The following IQCH variants were observed in gnomAD, a reference collection of about 807,000 sequenced individuals.
IQCH encodes the protein IQ domain-containing protein H.
A neutral mutation model predicts 117.0 loss-of-function variants in IQCH; 98 were observed. That is an observed-to-expected ratio of 0.84 (90% CI 0.71 to 0.99). IQCH has a LOEUF of 0.99. Among genes scored for constraint, IQCH ranks in the 50% least tolerant of loss-of-function variants. The pLI is 0.00. For missense variants in IQCH, 1,102 were observed against 1,243.8 expected, an observed-to-expected ratio of 0.89 and a Z score of 1.72; for synonymous variants, 412 against 448.2, an observed-to-expected ratio of 0.92 and a Z score of 1.02.
intron 18 of IQCH, among the ~76,000 whole-genome samples, chr15:67,485,484 T>G (rs889423958): frequency 2.0e-5 from 3 of 151,580 alleles, no homozygotes; most frequent in Non-Finnish European, 4.4e-5. Context: ...GAAGAGGGAG[T>G]GATTTTAAAT....
chr15:67,484,405 C>CA (rs112240255), intron 18 of IQCH, among the ~76,000 whole-genome samples: 1,544 of 137,058 alleles, frequency 0.011, 33 homozygotes, highest in African/African-American at 0.034. Flanking sequence ...GACCCAGTCT[C>CA]AAAAAAAAAA....
At chr15:67,483,525 T>G (rs2083393889) in intron 18 of IQCH, among the ~76,000 whole-genome samples, 1 of 151,932 alleles carries the variant, frequency 6.6e-6, no homozygotes, top group Admixed American at 6.6e-5. Context: ...TCTAAAAAAA[T>G]TAAAGAAAGA....
Position 67,493,582 on chromosome 15 carries a change from G to A in IQCH, c.2862-676G>A, listed in dbSNP as rs1337028415. On this transcript the variant is annotated intron_variant, in intron 19 of 20. Coordinates refer to ENST00000335894, the MANE Select transcript of IQCH (RefSeq NM_001031715.3). The surrounding 1 kb of genome is among the most constrained non-coding windows in gnomAD (Gnocchi z 5.1). ...ACAAAAGACTCCAGAATACTGAGAT[G>A]CAAATGTCTCCATAGACAAGGAAAT... Among the ~76,000 whole-genome samples the A allele has an allele frequency of 6.6e-6, 1 of 152,200 alleles. No homozygotes were observed. The highest frequency in any genetic ancestry group is 2.4e-5 in the African/African-American group (1 of 41,452).
At chr15:67,271,466 G>T (rs983110562) in intron 3 of IQCH, among the ~76,000 whole-genome samples, 1 of 152,012 alleles carries the variant, frequency 6.6e-6, no homozygotes, top group Non-Finnish European at 1.5e-5. Context: ...CATTTTTTTT[G>T]AAGAGTTTGA....
chr15:67,264,800 C>G (rs1053821604), intron 3 of IQCH, among the ~76,000 whole-genome samples: 1 of 151,916 alleles, frequency 6.6e-6, no homozygotes, highest in African/African-American at 2.4e-5. Context: ...CTGTACTCCT[C>G]TATTTATCTT....
intron 3 of IQCH, among the ~76,000 whole-genome samples, chr15:67,272,270 AAATACTT>A (rs1965929169): frequency 1.3e-5 from 2 of 152,176 alleles, no homozygotes; most frequent in Non-Finnish European, 2.9e-5. Flanking sequence ...AGTTAGAAAA[AAATACTT>A]AATATGGTTT....
chr15:67,399,941 A>G (rs2140865407), intron 13 of IQCH, among the ~76,000 whole-genome samples, 173 bp from the exon 14 acceptor site: 1 of 152,350 alleles, frequency 6.6e-6, no homozygotes, highest in South Asian at 2.1e-4. Flanking sequence ...TCTTCGCATC[A>G]TATTTATATC....
chr15:67,476,776 G>A lies in IQCH; in HGVS notation c.2799+958G>A, dbSNP rs897663993. Among the ~76,000 whole-genome samples the A allele has an allele frequency of 6.6e-6, 1 of 152,034 alleles. No homozygotes were observed. The highest frequency in any genetic ancestry group is 2.4e-5 in the African/African-American group (1 of 41,388). On this transcript the variant is annotated intron_variant, in intron 18 of 20. Coordinates refer to ENST00000335894, the MANE Select transcript of IQCH (RefSeq NM_001031715.3). This position sits in a 1 kb window ranked among gnomAD's most constrained non-coding sequence, Gnocchi z 4.1. ...ATTCAGATTTTCAAGTCTCTCACAC[G>A]CAGGGCCATTCTAAGACCCTGAGTA... is the stretch of plus-strand genomic sequence containing the variant.
In IQCH at chr15:67,263,121, G is replaced by T; in HGVS notation, c.175-1G>T. The T allele has an allele frequency of 6.9e-7, 1 of 1,451,468 alleles. No homozygotes were observed. The highest frequency in any genetic ancestry group is 1.2e-5 in the South Asian group (1 of 86,554). The allele number at this position is 1,451,468 out of a possible 1,614,324, so 89.9% of individuals were successfully genotyped here. A position where few individuals can be genotyped will look rare whatever the true frequency, so the allele number is the denominator to read the frequency against. On this transcript the variant is annotated splice_acceptor_variant, in intron 2 of 20. Transcript: ENST00000335894. LOFTEE classifies it high-confidence loss of function. ...CCTAAACTTTGACATTTCTGTAACA[G>T]ATTCACATTGAGAAGTATTTAAATG...
At position 67,391,471 on chromosome 15, in the gene IQCH, T is replaced by A. The variant is rs1971282454; in HGVS notation, c.1632+2465T>A. 6.6e-6 allele frequency among the ~76,000 whole-genome samples: 1 copy of A among 152,186 alleles called. No individual in the cohort carries two copies. The highest frequency in any genetic ancestry group is 1.5e-5 in the Non-Finnish European group (1 of 68,036). ...GTTTGTACATCTCTCCAAGTTACTATATGATTCTTGAATTTGTAATGGTAA... is the reference window on the plus strand; with the variant it reads ...GTTTGTACATCTCTCCAAGTTACTAAATGATTCTTGAATTTGTAATGGTAA... On this transcript the variant is annotated intron_variant, in intron 12 of 20. Coordinates refer to ENST00000335894, the MANE Select transcript of IQCH (RefSeq NM_001031715.3). The surrounding 1 kb of genome is among the most constrained non-coding windows in gnomAD (Gnocchi z 4.3).
chr15:67,304,949 A>G lies in IQCH; in HGVS notation c.387+25437A>G, dbSNP rs568170824. ...AAAATAGTGAGAGGGAAAAATAGTC[A>G]AATGTAGATCTGCAGTAAGAGATCT... On this transcript the variant is annotated intron_variant, in intron 4 of 20. Coordinates refer to ENST00000335894, the MANE Select transcript of IQCH (RefSeq NM_001031715.3). 5.3e-5 allele frequency among the ~76,000 whole-genome samples: 8 copies of G among 152,206 alleles called. No individual in the cohort carries two copies. In the South Asian group the frequency reaches 1.7e-3, roughly 32 times the overall value.
In IQCH at chr15:67,415,134, G is replaced by A. The variant is rs28696991; in HGVS notation, c.2098-1797G>A. On this transcript the variant is annotated intron_variant, in intron 14 of 20. Transcript: ENST00000335894. ...CAGAGAAGGAACAAAGAAGGGGTCC[G>A]GGTTGCTGGAGCTGTGCATTTCACA... Among the ~76,000 whole-genome samples the A allele has an allele frequency of 5.4e-3, 815 of 152,284 alleles. 10 individuals are homozygous for A. The highest frequency in any genetic ancestry group is 0.018 in the African/African-American group (756 of 41,552).
chr15:67,442,865 T>TATATATATAAA (rs1567193284), intron 16 of IQCH, among the ~76,000 whole-genome samples: 2 of 127,966 alleles, frequency 1.6e-5, no homozygotes, highest in African/African-American at 5.8e-5. Flanking sequence ...GATAGATAGA[T>TATATATATAAA]ATACATATAT....
At chr15:67,477,044 C>CTTTTTTTTTTTT (rs71455553) in intron 18 of IQCH, among the ~76,000 whole-genome samples, 2 of 71,174 alleles carry the variant, frequency 2.8e-5, no homozygotes, top group East Asian at 4.4e-4. Flanking sequence ...TCTTTTTCTT[C>CTTTTTTTTTTTT]TTTTTTTTTT....
chr15:67,268,383 T>G (rs368666533), intron 3 of IQCH, among the ~76,000 whole-genome samples: 1 of 152,208 alleles, frequency 6.6e-6, no homozygotes, highest in East Asian at 1.9e-4. Context: ...TTGGCAATGA[T>G]TTTTCTTTTA....
intron 14 of IQCH, among the ~76,000 whole-genome samples, chr15:67,410,662 C>A (rs1048021895): frequency 6.6e-6 from 1 of 152,170 alleles, no homozygotes; most frequent in African/African-American, 2.4e-5. Context: ...TGGGGGGCAA[C>A]AATCTCAATC....
chr15:67,309,621 G>A (rs1028820695), intron 4 of IQCH, among the ~76,000 whole-genome samples: 1 of 151,914 alleles, frequency 6.6e-6, no homozygotes, highest in Non-Finnish European at 1.5e-5. Context: ...CCATCTGATA[G>A]GATTTACCTA....
rs1302723937 is a variant in IQCH, at chr15:67,479,291, A to G, written c.2799+3473A>G. On this transcript the variant is annotated intron_variant, in intron 18 of 20. Transcript: ENST00000335894. This position sits in a 1 kb window ranked among gnomAD's most constrained non-coding sequence, Gnocchi z 4.6. ...GAGGACTTTAGGCTTAAAGATTTTA[A>G]GCATTTTCCCAGGGTCATACAGCCA... Among the ~76,000 whole-genome samples, 1 of 152,254 alleles carries G rather than the reference A, an allele frequency of 6.6e-6. No individual in the cohort carries two copies. Among genetic ancestry groups the G allele is most frequent in the Non-Finnish European group, 1.5e-5 (1 of 68,052 alleles).
intron 3 of IQCH, among the ~76,000 whole-genome samples, chr15:67,268,170 T>A (rs1046022532): frequency 2.0e-5 from 3 of 152,156 alleles, no homozygotes; most frequent in Non-Finnish European, 4.4e-5. Context: ...TAATTTTCCT[T>A]TTTAGCCAGC....
Sources: gnomAD v4.1 joint callset for allele counts (sites outside exome capture counted in the v4.1 genomes callset) on GRCh38, gnomAD v4.1.1 for gene constraint, Gnocchi (gnomAD v3.1) non-coding constraint, MANE v1.5 for transcripts, NCBI Gene and HGNC (gene_info 2026-07-23, HGNC 2026-07-21) for gene names.